Variants in CHST12 observed in about 807,000 individuals in gnomAD.
The protein encoded by CHST12 is carbohydrate (chondroitin 4) sulfotransferase 12.
In CHST12, 23 loss-of-function variants were observed where a neutral mutation model predicts 27.9. The ratio of observed to expected loss-of-function variants is 0.82; its 90% CI spans 0.59 to 1.17. The LOEUF is 1.17. CHST12 is among the 50% of genes most tolerant of loss of function. The probability of loss-of-function intolerance (pLI) is 0.00; values close to 1 mark genes in which losing one functional copy is unlikely to be tolerated. For missense variants in CHST12, 682 were observed against 603.0 expected (o/e 1.13, Z -1.37); for synonymous variants, 322 against 273.0 (o/e 1.18, Z -1.77).
chr7:2,426,916 G>C (rs1375771333), intron 1 of CHST12, among the ~76,000 whole-genome samples: 1 of 152,094 alleles, frequency 6.6e-6, no homozygotes, highest in Non-Finnish European at 1.5e-5. Flanking sequence ...ACTTGAACCT[G>C]GGAGGCGGAG....
In CHST12 at chr7:2,433,956, C is replaced by T. The variant is rs868441735; in HGVS notation, c.*72C>T. ...CGCACTCCAGTTTTTTTATGACCTA[C>T]GATTTTGCAATCTGGGCTTCTTGTT... On this transcript the variant is annotated 3_prime_UTR_variant, in exon 2 of 2. Transcript: ENST00000618655. This position sits in a 1 kb window ranked among gnomAD's most constrained non-coding sequence, Gnocchi z 6.1. The T allele has an allele frequency of 8.4e-5, 114 of 1,353,116 alleles. No individual in the cohort carries two copies. The African/African-American group carries it at 1.3e-3, about 16-fold the overall frequency. 83.8% of individuals were successfully genotyped at this position (1,353,116 alleles called of 1,614,324 possible).
intron 1 of CHST12, among the ~76,000 whole-genome samples, chr7:2,408,437 A>T (rs1456428130): frequency 6.6e-6 from 1 of 152,050 alleles, no homozygotes; most frequent in African/African-American, 2.4e-5. Flanking sequence ...AAATCTCAGA[A>T]CAAGAGGAGA....
At chr7:2,426,008 C>T (rs1479949455) in intron 1 of CHST12, among the ~76,000 whole-genome samples, 3 of 151,918 alleles carry the variant, frequency 2.0e-5, no homozygotes, top group East Asian at 1.9e-4. Flanking sequence ...AGGCTGGGGA[C>T]GACGGGGCTC....
At chr7:2,430,054 A>C (rs747160999) in intron 1 of CHST12, among the ~76,000 whole-genome samples, 3 of 152,142 alleles carry the variant, frequency 2.0e-5, no homozygotes, top group Non-Finnish European at 4.4e-5. Context: ...AAGTGCTAGG[A>C]TTATAGGAGA....
intron 1 of CHST12, among the ~76,000 whole-genome samples, chr7:2,423,536 T>C (rs1782031289): frequency 6.6e-6 from 1 of 152,132 alleles, no homozygotes; most frequent in Admixed American, 6.6e-5. Flanking sequence ...GAGACACGTA[T>C]TAGCTGTGCG....
chr7:2,406,420 G>A (rs1781524763), intron 1 of CHST12, among the ~76,000 whole-genome samples: 1 of 105,792 alleles, frequency 9.5e-6, no homozygotes, highest in Non-Finnish European at 1.9e-5. Flanking sequence ...CGGGGTGGGG[G>A]AACAGTTGAG....
rs1782568412 is a variant in CHST12 at position 2,440,265 on chromosome 7, A to T, written c.*6381A>T. The T allele has an allele frequency of 6.5e-6, 1 of 154,436 alleles. No individual in the cohort carries two copies. The highest frequency in any genetic ancestry group is 1.5e-5 in the Non-Finnish European group (1 of 68,226). 9.6% of individuals were successfully genotyped at this position (154,436 alleles called of 1,614,324 possible). On this transcript the variant is annotated 3_prime_UTR_variant, in exon 2 of 2. Coordinates refer to ENST00000618655, the MANE Select transcript of CHST12 (RefSeq NM_018641.5). ...GACTTTGACAGTGATAAACGAACAC[A>T]GCCTATCTGGGTGTTTTTTGCACTT...
chr7:2,420,727 G>T (rs1042903318), intron 1 of CHST12, among the ~76,000 whole-genome samples: 1 of 152,168 alleles, frequency 6.6e-6, no homozygotes, highest in Non-Finnish European at 1.5e-5. Flanking sequence ...CAAGGCTGCA[G>T]TGAGGTTTGA....
intron 1 of CHST12, among the ~76,000 whole-genome samples, chr7:2,419,753 C>T (rs958724381): frequency 6.6e-6 from 1 of 151,512 alleles, no homozygotes. Flanking sequence ...TTTAAGCATG[C>T]AGTTTGGTGG....
intron 1 of CHST12, among the ~76,000 whole-genome samples, chr7:2,408,942 C>A (rs535792563): frequency 1.9e-4 from 29 of 152,174 alleles, no homozygotes; most frequent in Non-Finnish European, 3.7e-4. Flanking sequence ...TAGCAGGACA[C>A]CTGACATGCT....
intron 1 of CHST12, among the ~76,000 whole-genome samples, chr7:2,415,224 G>A (rs776398791): frequency 1.3e-5 from 2 of 152,102 alleles, no homozygotes; most frequent in Non-Finnish European, 2.9e-5. Context: ...AAATTAGCCA[G>A]ATGTGGTGGT....
Position 2,440,622 on chromosome 7 carries a change from A to G in CHST12, c.*6738A>G, listed in dbSNP as rs942444655. The stretch of plus-strand genomic sequence containing the variant: ...TGTAGGGCCAGCCCGAGGTACCCAC[A>G]GTGGAGGGTCTACAGGCTGATTTGG... On this transcript the variant is annotated 3_prime_UTR_variant, in exon 2 of 2. Coordinates refer to ENST00000618655, the MANE Select transcript of CHST12 (RefSeq NM_018641.5). 9 of 152,230 alleles carry G rather than the reference A, an allele frequency of 5.9e-5. No individual in the cohort carries two copies. Among genetic ancestry groups the G allele is most frequent in the African/African-American group, 1.9e-4 (8 of 41,442 alleles). 9.4% of individuals were successfully genotyped at this position (152,230 alleles called of 1,614,324 possible). A position where few individuals can be genotyped will look rare whatever the true frequency, so the allele number is the denominator to read the frequency against.
In CHST12 at chr7:2,444,901, TC is replaced by T. The variant is rs1158470813; in HGVS notation, c.*11018del. 6.6e-6 allele frequency: 1 copy of T among 152,180 alleles called. No individual in the cohort carries two copies. The highest frequency in any genetic ancestry group is 1.5e-5 in the Non-Finnish European group (1 of 68,022). The allele number at this position is 152,180 out of a possible 1,614,324, so 9.4% of individuals were successfully genotyped here. Reference sequence around the variant, plus strand: ...TGGCTTTGATGAAACTGCTTTTTTTTCAAAGCAGTTTGCAAAATAACCGGGG... The same window carrying T: ...TGGCTTTGATGAAACTGCTTTTTTTTAAAGCAGTTTGCAAAATAACCGGGG... On this transcript the variant is annotated 3_prime_UTR_variant, in exon 2 of 2. Transcript: ENST00000618655.
At position 2,433,509 on chromosome 7, in the gene CHST12, G is replaced by A. The variant is rs1178615614; in HGVS notation, c.870G>A (p.Glu290=). ...CCAGCCTGCCCGCCTCGGCGCGCGA[G>A]GCCTTCCGCGCTGGCCTCAAGGTGT... is the stretch of plus-strand genomic sequence containing the variant. ...NHTSLPASAR[E]AFRAGLKVSF... Residue 290 remains glutamate (E), a synonymous_variant, in exon 2 of 2, where the codon GAG becomes GAA. Coordinates refer to ENST00000618655, the MANE Select transcript of CHST12 (RefSeq NM_018641.5). This position sits in a 1 kb window ranked among gnomAD's most constrained non-coding sequence, Gnocchi z 6.1. The A allele has an allele frequency of 6.2e-7, 1 of 1,612,462 alleles. No individual in the cohort carries two copies. The highest frequency in any genetic ancestry group is 1.1e-5 in the South Asian group (1 of 91,078).
intron 1 of CHST12, among the ~76,000 whole-genome samples, chr7:2,416,085 T>C (rs1562511731): frequency 6.6e-6 from 1 of 152,250 alleles, no homozygotes; most frequent in Non-Finnish European, 1.5e-5. Flanking sequence ...CATGTAAGTC[T>C]ATGGAATATT....
chr7:2,425,691 C>CTTTTTTTTTTTTTTTTTTT (rs760502452), intron 1 of CHST12, among the ~76,000 whole-genome samples: 24 of 137,850 alleles, frequency 1.7e-4, no homozygotes, highest in African/African-American at 4.9e-4. Context: ...ACTGCATTTG[C>CTTTTTTTTTTTTTTTTTTT]TTTTTTTTTT....
intron 1 of CHST12, among the ~76,000 whole-genome samples, chr7:2,410,132 G>A (rs1161325005): frequency 6.6e-6 from 1 of 152,196 alleles, no homozygotes; most frequent in Non-Finnish European, 1.5e-5. Flanking sequence ...ATACCGACCA[G>A]TAGAGAGAGC....
At chr7:2,432,446 A>C in intron 1 of CHST12, 117 bp from the exon 2 acceptor site, 2 of 633,832 alleles carry the variant, frequency 3.2e-6, no homozygotes, top group Non-Finnish European at 5.4e-6. Flanking sequence ...GGGCGAGCTG[A>C]TATCACGTGG....
chr7:2,405,025 G>A (rs1054153370), intron 1 of CHST12, among the ~76,000 whole-genome samples: 2 of 152,208 alleles, frequency 1.3e-5, no homozygotes, highest in African/African-American at 2.4e-5. Flanking sequence ...ACAGTGGAGA[G>A]GACCTATGAA....
Sources: allele counts gnomAD v4.1 joint callset (sites outside exome capture counted in the v4.1 genomes callset), GRCh38; gene constraint gnomAD v4.1.1; non-coding constraint Gnocchi (gnomAD v3.1); transcripts MANE v1.5; gene names NCBI Gene and HGNC (gene_info 2026-07-23, HGNC 2026-07-21).